DNAH7: variants seen among roughly 807,000 people sequenced by gnomAD.
DNAH7 encodes axonemal beta dynein heavy chain 7.
Under a neutral mutation model 444.6 loss-of-function variants are expected in DNAH7, and 397 were observed. That is an observed-to-expected ratio of 0.89 (90% confidence interval 0.82 to 0.97). DNAH7 has a LOEUF of 0.97. DNAH7 is among the 50% of genes least tolerant of loss of function. The pLI is 0.00. For synonymous variants in DNAH7, 1,636 were observed against 1,624.4 expected (o/e 1.01, Z -0.17); for missense variants, 4,902 against 4,800.8 (o/e 1.02, Z -0.62).
intron 57 of DNAH7, among the ~76,000 whole-genome samples, 176 bp downstream of exon 57, chr2:195,794,162 A>C (rs1024554604): frequency 2.0e-5 from 3 of 152,190 alleles, no homozygotes; most frequent in African/African-American, 7.2e-5. Flanking sequence ...AATTAAAATA[A>C]AATATTAACA....
Position 195,857,683 on chromosome 2 carries a change from C to G in DNAH7, c.8108G>C (p.Gly2703Ala), listed in dbSNP as rs921008520. ...TATAGCTTCCATAACAAGCTTGACA[C>G]CAGCAGGAGGACTCTTCATGGATTT... ...VVKSMKSPPA[G>A]VKLVMEAICI... Residue 2703 changes from glycine to alanine, a missense_variant, in exon 44 of 65, where the codon GGT becomes GCT. Transcript: ENST00000312428. 1 of 1,612,250 alleles carries G rather than the reference C, an allele frequency of 6.2e-7. No individual in the cohort carries two copies. The highest frequency in any genetic ancestry group is 1.1e-5 in the South Asian group (1 of 90,604).
chr2:195,864,141 G>A lies in DNAH7; in HGVS notation c.7506+8C>T. 6.2e-7 allele frequency: 1 copy of A among 1,609,608 alleles called. No homozygotes were observed. On this transcript the variant is annotated splice_region_variant and intron_variant, in intron 41 of 64. Transcript: ENST00000312428. The stretch of plus-strand genomic sequence containing the variant: ...CTAGAAGTCTATCTAAAATGTACAT[G>A]ACAATACCTGAAACCAGTCAATGGT...
rs770956854 is a variant in DNAH7, at chr2:195,936,572, C to A, written c.3272+27G>T. 2.0e-6 allele frequency: 3 copies of A among 1,514,978 alleles called. No individual in the cohort carries two copies. In the South Asian group the frequency reaches 4.0e-5, roughly 20 times the overall value. The allele number at this position is 1,514,978 out of a possible 1,614,324, so 93.8% of individuals were successfully genotyped here. A position where few individuals can be genotyped will look rare whatever the true frequency, so the allele number is the denominator to read the frequency against. On this transcript the variant is annotated intron_variant, in intron 20 of 64. Transcript: ENST00000312428. ...TTAAGTTTAAGCAGATAAATTTAGT[C>A]ATGTATTCTACATGTAAATTACTTA... is the stretch of plus-strand genomic sequence containing the variant.
At chr2:196,020,566 CT>C (rs1194750152) in intron 8 of DNAH7, among the ~76,000 whole-genome samples, 3 of 148,874 alleles carry the variant, frequency 2.0e-5, no homozygotes, top group Admixed American at 6.7e-5. Context: ...GGGTACATAA[CT>C]TTTTTTGTGT....
At chr2:195,778,311 T>C (rs1695164388) in intron 58 of DNAH7, among the ~76,000 whole-genome samples, 1 of 151,842 alleles carries the variant, frequency 6.6e-6, no homozygotes, top group Non-Finnish European at 1.5e-5. Context: ...ATGAAAACTT[T>C]GCACAGCTGA....
intron 49 of DNAH7, among the ~76,000 whole-genome samples, chr2:195,820,133 A>C (rs887891094): frequency 1.3e-5 from 2 of 152,174 alleles, no homozygotes; most frequent in Non-Finnish European, 2.9e-5. Flanking sequence ...TTTCTACCAC[A>C]TGTATCAGAA....
chr2:195,796,073 A>G (rs1463590959), intron 56 of DNAH7, among the ~76,000 whole-genome samples: 1 of 152,170 alleles, frequency 6.6e-6, no homozygotes, highest in Non-Finnish European at 1.5e-5. Flanking sequence ...GGGAAGTCCC[A>G]CGACCCACTG....
At chr2:196,006,591 A>G (rs1694390129) in intron 10 of DNAH7, among the ~76,000 whole-genome samples, 3 of 151,958 alleles carry the variant, frequency 2.0e-5, no homozygotes, top group Admixed American at 1.3e-4. Flanking sequence ...TCCAGATAGG[A>G]AAGGAAGAAG....
At chr2:195,864,093 A>G in intron 41 of DNAH7, 56 bp downstream of exon 41, 1 of 1,555,758 alleles carries the variant, frequency 6.4e-7, no homozygotes, top group East Asian at 2.3e-5. Flanking sequence ...ATAAGTCATG[A>G]TGATAGTGGA....
intron 15 of DNAH7, among the ~76,000 whole-genome samples, chr2:195,974,068 C>T (rs1692028625): frequency 6.6e-6 from 1 of 151,474 alleles, no homozygotes; most frequent in African/African-American, 2.4e-5. Flanking sequence ...CAGAATGAGA[C>T]TCCATTTCAA....
chr2:196,048,563 G>T (rs958248104), intron 3 of DNAH7, among the ~76,000 whole-genome samples, 159 bp from the exon 4 acceptor site: 1 of 152,182 alleles, frequency 6.6e-6, no homozygotes, highest in African/African-American at 2.4e-5. Flanking sequence ...GCCTGTGAAT[G>T]GTCATGGTGT....
chr2:196,012,119 T>C (rs1694758422), intron 10 of DNAH7, among the ~76,000 whole-genome samples: 1 of 152,316 alleles, frequency 6.6e-6, no homozygotes, highest in South Asian at 2.1e-4. Flanking sequence ...TTAGAAATCA[T>C]GAAGCTATGC....
chr2:195,765,549 A>G (rs1694532254), intron 61 of DNAH7, among the ~76,000 whole-genome samples: 1 of 152,200 alleles, frequency 6.6e-6, no homozygotes, highest in Admixed American at 6.5e-5. Flanking sequence ...TAATAATCCA[A>G]TTTTAAAATG....
chr2:195,840,794 G>C (rs533462891), intron 47 of DNAH7, among the ~76,000 whole-genome samples: 1 of 151,844 alleles, frequency 6.6e-6, no homozygotes, highest in East Asian at 1.9e-4. Flanking sequence ...AGAAATCAAA[G>C]GAGGCCTAAG....
At position 195,895,993 on chromosome 2, in the gene DNAH7, C is replaced by T. The variant is rs552536654; in HGVS notation, c.4648-769G>A. Among the ~76,000 whole-genome samples the T allele has an allele frequency of 2.0e-5, 3 of 152,244 alleles. No individual in the cohort carries two copies. In the South Asian group the frequency reaches 6.2e-4, roughly 32 times the overall value. Reference sequence around the variant, plus strand: ...GCATTTTCACTGTTCCAGTTTTAGGCTACTACAAATAAAGTGACTACAAAC... The same window carrying T: ...GCATTTTCACTGTTCCAGTTTTAGGTTACTACAAATAAAGTGACTACAAAC... On this transcript the variant is annotated intron_variant, in intron 29 of 64. Coordinates refer to ENST00000312428, the MANE Select transcript of DNAH7 (RefSeq NM_018897.3).
intron 17 of DNAH7, among the ~76,000 whole-genome samples, chr2:195,964,526 GTTT>G (rs34416268): frequency 2.2e-4 from 26 of 119,062 alleles, no homozygotes; most frequent in African/African-American, 7.3e-4. Context: ...AGTTCTAATA[GTTT>G]TTTTTTTTTT....
intron 58 of DNAH7, among the ~76,000 whole-genome samples, chr2:195,778,308 CTT>C (rs1695164091): frequency 6.6e-6 from 1 of 151,722 alleles, no homozygotes; most frequent in Non-Finnish European, 1.5e-5. Flanking sequence ...TCTATGAAAA[CTT>C]TGCACAGCTG....
At chr2:195,991,722 T>C (rs973716129) in intron 12 of DNAH7, among the ~76,000 whole-genome samples, 1 of 152,220 alleles carries the variant, frequency 6.6e-6, no homozygotes, top group African/African-American at 2.4e-5. Flanking sequence ...GCAGTCATAA[T>C]TCGCACACTT....
intron 2 of DNAH7, among the ~76,000 whole-genome samples, chr2:196,057,107 C>T (rs1487234248): frequency 6.6e-6 from 1 of 152,136 alleles, no homozygotes; most frequent in Non-Finnish European, 1.5e-5. Flanking sequence ...CAGGAACAAA[C>T]TTTAATATTC....
Sources: gnomAD v4.1 joint callset for allele counts (sites outside exome capture counted in the v4.1 genomes callset) on GRCh38, gnomAD v4.1.1 for gene constraint, MANE v1.5 for transcripts, NCBI Gene and HGNC (gene_info 2026-07-23, HGNC 2026-07-21) for gene names.